Variants in KLF11 observed in about 807,000 individuals in gnomAD.
KLF11 encodes the protein Krueppel-like factor 11.
A neutral mutation model predicts 29.9 loss-of-function variants in KLF11; 26 were observed. The ratio of observed to expected loss-of-function variants is 0.87; its 90% CI spans 0.64 to 1.21. The LOEUF (loss-of-function observed/expected upper bound fraction) is 1.21. KLF11 is among the 50% of genes most tolerant of loss of function. KLF11 has a pLI of 0.00. For missense variants in KLF11, 778 were observed against 665.7 expected (o/e 1.17, Z -1.86); for synonymous variants, 318 against 257.4 (o/e 1.24, Z -2.25).
chr2:10,045,198 G>A (rs1260640808), intron 1 of KLF11, among the ~76,000 whole-genome samples: 1 of 151,888 alleles, frequency 6.6e-6, no homozygotes, highest in African/African-American at 2.4e-5. Context: ...GGTCAAGGCG[G>A]GTGGATCGCC....
chr2:10,053,610 C>G lies in KLF11; in HGVS notation c.*1103C>G. 1 of 394,730 alleles carries G rather than the reference C, an allele frequency of 2.5e-6. No homozygotes were observed. Among genetic ancestry groups the G allele is most frequent in the Non-Finnish European group, 4.5e-6 (1 of 223,890 alleles). The allele number at this position is 394,730 out of a possible 1,614,324, so 24.5% of individuals were successfully genotyped here. A position where few individuals can be genotyped will look rare whatever the true frequency, so the allele number is the denominator to read the frequency against. On this transcript the variant is annotated 3_prime_UTR_variant, in exon 4 of 4. Transcript: ENST00000305883. ...TAGAAACACAAGGAAATGCAAGTTACGCTAAATGGCAGTAATACTACCCAA... is the reference window on the plus strand; with the variant it reads ...TAGAAACACAAGGAAATGCAAGTTAGGCTAAATGGCAGTAATACTACCCAA...
chr2:10,046,265 G>A lies in KLF11; in HGVS notation c.158G>A (p.Cys53Tyr), dbSNP rs751257795. Residue 53 changes from cysteine to tyrosine, a missense_variant, in exon 2 of 4, where the codon TGT (cysteine) becomes TAT (tyrosine). Physicochemically the swap from Cys to Tyr is radical, Grantham distance 194. Transcript: ENST00000305883. Reference sequence around the variant, plus strand: ...ATGGAAGCTGTCGAGGCTCTTGTTTGTATGAGCTCCTGGGGTCAAAGATCC... The same window carrying A: ...ATGGAAGCTGTCGAGGCTCTTGTTTATATGAGCTCCTGGGGTCAAAGATCC... ...TDMEAVEALV[C>Y]MSSWGQRSQK... is the part of the protein sequence containing the mutation. The A allele has an allele frequency of 9.3e-6, 15 of 1,614,064 alleles. No homozygotes were observed. The highest frequency in any genetic ancestry group is 1.2e-5 in the Non-Finnish European group (14 of 1,180,042).
chr2:10,050,463 G>C (rs1477184557), intron 3 of KLF11, among the ~76,000 whole-genome samples: 2 of 149,746 alleles, frequency 1.3e-5, no homozygotes, highest in African/African-American at 2.5e-5. Flanking sequence ...TGTATTCCCA[G>C]CACTTTCCGA....
chr2:10,045,872 A>G (rs1661181080), intron 1 of KLF11, among the ~76,000 whole-genome samples: 1 of 152,270 alleles, frequency 6.6e-6, no homozygotes, highest in Non-Finnish European at 1.5e-5. Flanking sequence ...TCATTTACCC[A>G]AGAAAAATAT....
chr2:10,049,350 A>G (rs1661335150), intron 3 of KLF11, among the ~76,000 whole-genome samples: 1 of 152,244 alleles, frequency 6.6e-6, no homozygotes, highest in Non-Finnish European at 1.5e-5. Flanking sequence ...TGCTGGATAG[A>G]CAATCGCTTC....
chr2:10,046,328 C>T lies in KLF11; in HGVS notation c.221C>T (p.Pro74Leu), dbSNP rs776640342. 1 of 1,614,222 alleles carries T rather than the reference C, an allele frequency of 6.2e-7. No individual in the cohort carries two copies. Among genetic ancestry groups the T allele is most frequent in the Non-Finnish European group, 8.5e-7 (1 of 1,180,038 alleles). ...GDLLRIRPLT[P>L]VSDSGDVTTT... ...CTGTTGCGGATAAGACCCCTCACGC[C>T]TGTCTCTGACTCTGGGGATGTCACC... is the stretch of plus-strand genomic sequence containing the variant. The change falls in exon 2 of 4, where the codon CCT (proline) becomes CTT (leucine). Residue 74 changes from proline to leucine, a missense_variant. Physicochemically the swap from Pro to Leu is moderately conservative, Grantham distance 98. Coordinates refer to ENST00000305883, the MANE Select transcript of KLF11 (RefSeq NM_003597.5).
intron 3 of KLF11, 59 bp downstream of exon 3, chr2:10,048,654 C>G (rs1201504803): frequency 3.1e-6 from 4 of 1,279,916 alleles, no homozygotes; most frequent in Non-Finnish European, 4.5e-6. Context: ...AGGAAGCACA[C>G]CTTGAGCCGC....
chr2:10,048,309 G>A lies in KLF11; in HGVS notation c.972G>A (p.Ala324=), dbSNP rs143517559. 1.2e-5 allele frequency: 19 copies of A among 1,599,654 alleles called. No homozygotes were observed. In the African/African-American group the frequency reaches 1.2e-4, roughly 10 times the overall value. Residue 324 remains alanine (A), a synonymous_variant, in exon 3 of 4, where the codon GCG becomes GCA. Coordinates refer to ENST00000305883, the MANE Select transcript of KLF11 (RefSeq NM_003597.5). ...VRPILAQAAP[A]PQPVFVGPAV... is the part of the protein sequence containing the mutation. ...CCATCCTAGCTCAGGCTGCTCCAGC[G>A]CCTCAACCTGTGTTCGTGGGACCTG... is the stretch of plus-strand genomic sequence containing the variant.
Position 10,048,482 on chromosome 2 carries a change from G to C in KLF11, c.1145G>C (p.Cys382Ser), listed in dbSNP as rs1490183870. The part of the protein sequence containing the change: ...APVFITSSQN[C>S]VPQVDFSRRR... ...GTGTTCATCACCTCTAGCCAAAACT[G>C]TGTCCCTCAGGTAGACTTTTCCCGA... The change falls in exon 3 of 4, where the codon TGT becomes TCT. Residue 382 changes from cysteine to serine, a missense_variant. Transcript: ENST00000305883. 1 of 1,613,978 alleles carries C rather than the reference G, an allele frequency of 6.2e-7. No individual in the cohort carries two copies.
chr2:10,050,447 C>G (rs1344593558), intron 3 of KLF11, among the ~76,000 whole-genome samples: 1 of 149,702 alleles, frequency 6.7e-6, no homozygotes, highest in Non-Finnish European at 1.5e-5. Context: ...CACTGTGGCT[C>G]ATACCTGTAT....
chr2:10,044,750 A>G (rs1364331410), intron 1 of KLF11, among the ~76,000 whole-genome samples: 1 of 148,956 alleles, frequency 6.7e-6, no homozygotes, highest in East Asian at 2.0e-4. Context: ...AGGGAGGGGT[A>G]TTACTCTTCT....
At chr2:10,043,834 C>T in intron 1 of KLF11, 76 bp downstream of exon 1, 1 of 1,285,516 alleles carries the variant, frequency 7.8e-7, no homozygotes, top group Non-Finnish European at 1.0e-6. Context: ...GCGGCACTCG[C>T]GCGCCTGTAA....
At chr2:10,045,253 CCGTCT>C (rs1434702359) in intron 1 of KLF11, among the ~76,000 whole-genome samples, 1 of 152,080 alleles carries the variant, frequency 6.6e-6, no homozygotes, top group Admixed American at 6.6e-5. Flanking sequence ...TGGTGAAACC[CCGTCT>C]CTACTAAAAA....
Position 10,052,582 on chromosome 2 carries a change from C to G in KLF11, c.*75C>G. On this transcript the variant is annotated 3_prime_UTR_variant, in exon 4 of 4. Transcript: ENST00000305883. ...GGAATGGAACTGATGGATTCCTCTC[C>G]CACTGCCTCACCCAAAAAAAACGGT... The G allele has an allele frequency of 6.7e-7, 1 of 1,502,388 alleles. No homozygotes were observed. Among genetic ancestry groups the G allele is most frequent in the African/African-American group, 1.4e-5 (1 of 73,290 alleles). The allele number at this position is 1,502,388 out of a possible 1,614,324, so 93.1% of individuals were successfully genotyped here.
intron 3 of KLF11, among the ~76,000 whole-genome samples, chr2:10,051,582 A>G (rs867084631): frequency 1.3e-5 from 2 of 151,018 alleles, no homozygotes; most frequent in East Asian, 2.0e-4. Context: ...CAGTGGTGCA[A>G]TCTCGGCTCA....
Position 10,047,807 on chromosome 2 carries a change from T to A in KLF11, c.470T>A (p.Leu157Ter), listed in dbSNP as rs1423799252. The change falls in exon 3 of 4, where the codon TTG (leucine) becomes TAG (stop). Residue 157 changes from leucine to a stop codon, truncating the protein, a stop_gained. Coordinates refer to ENST00000305883, the MANE Select transcript of KLF11 (RefSeq NM_003597.5). LOFTEE classifies it high-confidence loss of function. ...CTGAGCGGGGGCGCGGAGAGGGGCT[T>A]GCTGGGTTTGGAGCCAGTGCCCAGC... Reference protein sequence around the residue: ...RALSGGAERGLLGLEPVPSSP... With the variant: ...RALSGGAERG 1.9e-6 allele frequency: 3 copies of A among 1,613,742 alleles called. No homozygotes were observed.
rs1304284015 is a variant in KLF11 at position 10,043,701 on chromosome 2, C to T, written c.-16C>T. 7.5e-6 allele frequency: 10 copies of T among 1,325,590 alleles called. No homozygotes were observed. The highest frequency in any genetic ancestry group is 9.8e-6 in the Non-Finnish European group (10 of 1,020,240). 82.1% of individuals were successfully genotyped at this position (1,325,590 alleles called of 1,614,324 possible). ...ACGCCCCGCGGCCGCTTTGTTGCTC[C>T]CGGCCGGCCTGCACGATGCACACGC... On this transcript the variant is annotated 5_prime_UTR_variant, in exon 1 of 4. Transcript: ENST00000305883.
intron 1 of KLF11, among the ~76,000 whole-genome samples, chr2:10,045,628 C>T (rs750204388): frequency 2.6e-5 from 4 of 152,260 alleles, no homozygotes; most frequent in Non-Finnish European, 5.9e-5. Context: ...GTGGAATCGC[C>T]ATGGGCCCTA....
chr2:10,052,560 A>G lies in KLF11; in HGVS notation c.*53A>G, dbSNP rs1310959012. ...ATTTTTAAAAAGCCTCTTTCCAGGA[A>G]TGGAACTGATGGATTCCTCTCCCAC... On this transcript the variant is annotated 3_prime_UTR_variant, in exon 4 of 4. Coordinates refer to ENST00000305883, the MANE Select transcript of KLF11 (RefSeq NM_003597.5). 9 of 1,570,004 alleles carry G rather than the reference A, an allele frequency of 5.7e-6. No homozygotes were observed. Among genetic ancestry groups the G allele is most frequent in the Non-Finnish European group, 7.8e-6 (9 of 1,150,194 alleles).
Sources: allele counts gnomAD v4.1 joint callset (sites outside exome capture counted in the v4.1 genomes callset), GRCh38; gene constraint gnomAD v4.1.1; transcripts MANE v1.5; gene names NCBI Gene and HGNC (gene_info 2026-07-23, HGNC 2026-07-21).